NRG3: variants seen among roughly 807,000 people sequenced by gnomAD.
NRG3 encodes pro-neuregulin-3, membrane-bound isoform.
NRG3 carries 31 observed loss-of-function variants against 66.9 expected under a neutral mutation model. The ratio of observed to expected loss-of-function variants is 0.46; its 90% confidence interval spans 0.35 to 0.63. The LOEUF is 0.63. Ranked by LOEUF, NRG3 falls within the 20% of genes least tolerant of loss-of-function variation. The pLI, the probability that NRG3 is intolerant of heterozygous loss-of-function variation, is 0.00. For missense variants in NRG3, 910 were observed against 878.9 expected (o/e 1.04, Z -0.45); for synonymous variants, 393 against 359.4 (o/e 1.09, Z -1.06).
chr10:82,162,400 T>A (rs894558632), intron 1 of NRG3, among the ~76,000 whole-genome samples: 1 of 152,168 alleles, frequency 6.6e-6, no homozygotes, highest in Non-Finnish European at 1.5e-5. Context: ...GGCTACTGCA[T>A]CAGTACTAGG....
At chr10:82,856,392 T>G (rs921976467) in intron 3 of NRG3, among the ~76,000 whole-genome samples, 1 of 152,124 alleles carries the variant, frequency 6.6e-6, no homozygotes, top group Non-Finnish European at 1.5e-5. Flanking sequence ...GCTTCTTTTT[T>G]TAATTGTTAA....
intron 2 of NRG3, among the ~76,000 whole-genome samples, chr10:82,530,188 C>T (rs549412082): frequency 3.9e-5 from 6 of 152,040 alleles, no homozygotes; most frequent in African/African-American, 1.4e-4. Context: ...CAGTTTAATA[C>T]ACATACAATT....
chr10:82,724,253 C>A (rs1231452636), intron 2 of NRG3, among the ~76,000 whole-genome samples: 1 of 151,204 alleles, frequency 6.6e-6, no homozygotes, highest in Non-Finnish European at 1.5e-5. Flanking sequence ...ACCTCCCTTT[C>A]ATCTCAGTCT....
At chr10:82,900,874 A>T (rs1223743598) in intron 4 of NRG3, among the ~76,000 whole-genome samples, 1 of 152,150 alleles carries the variant, frequency 6.6e-6, no homozygotes, top group African/African-American at 2.4e-5. Flanking sequence ...AATTTTTTTC[A>T]TGGATTTTGC....
chr10:82,529,149 C>G (rs1485906094), intron 2 of NRG3, among the ~76,000 whole-genome samples: 2 of 152,242 alleles, frequency 1.3e-5, no homozygotes, highest in Non-Finnish European at 2.9e-5. Flanking sequence ...AGCTAAATCT[C>G]TCTTTGTAAG....
chr10:81,912,232 A>G (rs1232878467), intron 1 of NRG3, among the ~76,000 whole-genome samples: 2 of 152,104 alleles, frequency 1.3e-5, no homozygotes, highest in African/African-American at 2.4e-5. Context: ...GATGATGATG[A>G]TGATGATTAC....
chr10:82,562,829 G>A (rs2045141429), intron 2 of NRG3, among the ~76,000 whole-genome samples: 2 of 151,944 alleles, frequency 1.3e-5, no homozygotes, highest in South Asian at 2.1e-4. Context: ...CAGAGTGGGT[G>A]GGGAGGGGAC....
chr10:81,910,045 A>G (rs935175634), intron 1 of NRG3, among the ~76,000 whole-genome samples: 1 of 152,210 alleles, frequency 6.6e-6, no homozygotes, highest in African/African-American at 2.4e-5. Context: ...GAAATTTTAA[A>G]AACATCTAAA....
chr10:81,933,793 C>G (rs1171691456), intron 1 of NRG3, among the ~76,000 whole-genome samples: 1 of 151,912 alleles, frequency 6.6e-6, no homozygotes, highest in Admixed American at 6.6e-5. Flanking sequence ...TATAGAGTAG[C>G]CTGTATTTCT....
intron 4 of NRG3, among the ~76,000 whole-genome samples, chr10:82,910,281 A>G (rs1389058965): frequency 2.0e-5 from 3 of 152,244 alleles, no homozygotes; most frequent in Non-Finnish European, 2.9e-5. Flanking sequence ...TGACACCAGA[A>G]TAAGTCTATA....
intron 3 of NRG3, among the ~76,000 whole-genome samples, chr10:82,800,492 T>A (rs544049526): frequency 6.6e-6 from 1 of 152,312 alleles, no homozygotes; most frequent in South Asian, 2.1e-4. Context: ...TTGAACTCTG[T>A]TTTACAGTAA....
intron 5 of NRG3, among the ~76,000 whole-genome samples, chr10:82,958,161 A>G (rs187701155): frequency 1.4e-4 from 22 of 152,302 alleles, no homozygotes; most frequent in African/African-American, 4.8e-4. Flanking sequence ...TGGCTTGGCA[A>G]TTCTGAGTGG....
chr10:82,814,515 G>T (rs1393085344), intron 3 of NRG3, among the ~76,000 whole-genome samples: 2 of 152,078 alleles, frequency 1.3e-5, no homozygotes, highest in African/African-American at 4.8e-5. Context: ...TATGATATGG[G>T]AAATTTCTTG....
intron 2 of NRG3, among the ~76,000 whole-genome samples, chr10:82,674,032 G>T (rs1374327428): frequency 6.6e-6 from 1 of 152,098 alleles, no homozygotes; most frequent in Non-Finnish European, 1.5e-5. Context: ...GGCAACGTCA[G>T]GGTAGCCATA....
chr10:82,497,665 T>C (rs1170148957), intron 2 of NRG3, among the ~76,000 whole-genome samples: 3 of 152,132 alleles, frequency 2.0e-5, no homozygotes, highest in Non-Finnish European at 2.9e-5. Context: ...TTGGATCATT[T>C]CCATATCTTG....
chr10:82,749,500 A>G (rs1029032007), intron 3 of NRG3, among the ~76,000 whole-genome samples: 3 of 152,102 alleles, frequency 2.0e-5, no homozygotes, highest in African/African-American at 4.8e-5. Flanking sequence ...TATCACTCCT[A>G]TAAGGTGTTT....
intron 3 of NRG3, among the ~76,000 whole-genome samples, chr10:82,813,211 CTTTTTTTTT>C (rs58875697): frequency 1.8e-5 from 2 of 112,156 alleles, no homozygotes; most frequent in Admixed American, 1.0e-4. Flanking sequence ...CTCTGTTTCT[CTTTTTTTTT>C]TTTTTTTTTT....
chr10:82,122,511 A>G (rs947559226), intron 1 of NRG3, among the ~76,000 whole-genome samples: 2 of 152,078 alleles, frequency 1.3e-5, no homozygotes, highest in African/African-American at 4.8e-5. Context: ...CCTTTATGTT[A>G]TCATTCTTTC....
intron 3 of NRG3, among the ~76,000 whole-genome samples, chr10:82,782,454 A>AT (rs143362382): frequency 0.02 from 3,116 of 152,096 alleles, 103 homozygotes; most frequent in African/African-American, 0.068. Flanking sequence ...CTTTATAAAT[A>AT]TTTATTTATA....
Sources: gnomAD v4.1 joint callset for allele counts (sites outside exome capture counted in the v4.1 genomes callset) on GRCh38, gnomAD v4.1.1 for gene constraint, MANE v1.5 for transcripts, NCBI Gene and HGNC (gene_info 2026-07-23, HGNC 2026-07-21) for gene names.